SNX8: variants seen among roughly 807,000 people sequenced by gnomAD.
SNX8 encodes the protein sorting nexin 8.
SNX8 carries 25 observed loss-of-function variants against 51.6 expected under a neutral mutation model. That is an observed-to-expected ratio of 0.48 (90% confidence interval 0.35 to 0.68). SNX8 has a LOEUF of 0.68. SNX8 is among the 30% of genes least tolerant of loss of function. The pLI is 0.00. For missense variants in SNX8, 695 were observed against 624.0 expected (o/e 1.11, Z -1.21); for synonymous variants, 324 against 277.0 (o/e 1.17, Z -1.68).
chr7:2,280,612 G>A (rs537604626), intron 1 of SNX8, among the ~76,000 whole-genome samples: 5 of 152,182 alleles, frequency 3.3e-5, no homozygotes, highest in Non-Finnish European at 7.3e-5. Context: ...GTGGTCACAT[G>A]TTGGTGAAGA....
chr7:2,275,481 C>T (rs1025916618), intron 2 of SNX8, among the ~76,000 whole-genome samples: 10 of 151,092 alleles, frequency 6.6e-5, no homozygotes, highest in African/African-American at 2.4e-4. Flanking sequence ...GGGTGAATCA[C>T]CTGAGGTCAG....
intron 5 of SNX8, among the ~76,000 whole-genome samples, chr7:2,267,518 T>G (rs1209230569): frequency 7.7e-6 from 1 of 129,284 alleles, no homozygotes; most frequent in African/African-American, 2.8e-5. Context: ...TTCGCTGTGT[T>G]GGCCGGGCCG....
intron 1 of SNX8, among the ~76,000 whole-genome samples, chr7:2,338,384 C>T (rs975073175): frequency 2.0e-5 from 3 of 151,836 alleles, no homozygotes; most frequent in African/African-American, 7.3e-5. Flanking sequence ...ATGGCATGAA[C>T]CCGGGAGGCA....
rs558904535 is a variant in SNX8 at position 2,314,345 on chromosome 7, G to A, written c.77C>T (p.Ala26Val). 9.3e-5 allele frequency: 114 copies of A among 1,223,592 alleles called. 1 individual carries two copies. The South Asian group carries it at 2.9e-3, about 31-fold the overall frequency. The allele number at this position is 1,223,592 out of a possible 1,614,324, so 75.8% of individuals were successfully genotyped here. A position where few individuals can be genotyped will look rare whatever the true frequency, so the allele number is the denominator to read the frequency against. The part of the protein sequence containing the change: ...AAAEAEADEE[A>V]DPPASDLPTP... ...CGCCCTACCTGACGCCGGGGGATCC[G>A]CCTCCTCGTCAGCCTCCGCCTCAGC... The change falls in exon 1 of 11, where the codon GCG (alanine) becomes GTG (valine). Residue 26 changes from alanine to valine, a missense_variant. By Grantham distance (64) the Ala-to-Val change is moderately conservative. Coordinates refer to ENST00000222990, the MANE Select transcript of SNX8 (RefSeq NM_013321.4).
chr7:2,308,361 A>G (rs2115201600), intron 1 of SNX8, among the ~76,000 whole-genome samples: 1 of 152,208 alleles, frequency 6.6e-6, no homozygotes, highest in East Asian at 1.9e-4. Flanking sequence ...GCTCATCAGG[A>G]GTTTACTACC....
At chr7:2,271,032 C>T (rs1379227833) in intron 4 of SNX8, among the ~76,000 whole-genome samples, 2 of 152,228 alleles carry the variant, frequency 1.3e-5, no homozygotes, top group African/African-American at 4.8e-5. Context: ...GAAACAGGAG[C>T]TGGGCTGCAG....
intron 1 of SNX8, among the ~76,000 whole-genome samples, chr7:2,283,519 T>C (rs1261869690): frequency 2.0e-5 from 3 of 152,212 alleles, no homozygotes; most frequent in African/African-American, 7.2e-5. Flanking sequence ...ACGAGTGTGG[T>C]TCCTACTGTC....
At chr7:2,295,606 A>G (rs1366035991) in intron 1 of SNX8, among the ~76,000 whole-genome samples, 1 of 72,552 alleles carries the variant, frequency 1.4e-5, no homozygotes, top group East Asian at 1.1e-3. Flanking sequence ...AAAAAAAAAA[A>G]AAAAAAAAAA....
At chr7:2,353,631 A>C (rs1779217209) in intron 1 of SNX8, among the ~76,000 whole-genome samples, 1 of 151,918 alleles carries the variant, frequency 6.6e-6, no homozygotes, top group Non-Finnish European at 1.5e-5. Flanking sequence ...CATCAAGTAC[A>C]TTCACCATGT....
chr7:2,257,559 G>A (rs752401585), intron 8 of SNX8, 45 bp from the exon 9 acceptor site: 10 of 1,595,598 alleles, frequency 6.3e-6, no homozygotes, highest in African/African-American at 1.3e-5. Context: ...GGATGCCTGC[G>A]CCAGGGCCCT....
intron 1 of SNX8, among the ~76,000 whole-genome samples, chr7:2,352,421 C>T (rs1583133854): frequency 6.6e-6 from 1 of 152,048 alleles, no homozygotes; most frequent in African/African-American, 2.4e-5. Context: ...GAGAGAGACA[C>T]AGACACACCA....
At chr7:2,274,519 A>C (rs78792969) in intron 3 of SNX8, among the ~76,000 whole-genome samples, 1 of 152,340 alleles carries the variant, frequency 6.6e-6, no homozygotes, top group South Asian at 2.1e-4. Context: ...AGGGGGACAC[A>C]GGCCTGGGGA....
Position 2,311,810 on chromosome 7 carries a change from G to C in SNX8, c.94+2518C>G, listed in dbSNP as rs566012148. Among the ~76,000 whole-genome samples the C allele has an allele frequency of 2.1e-3, 325 of 151,964 alleles. 1 individual carries two copies. The highest frequency in any genetic ancestry group is 7.4e-3 in the African/African-American group (307 of 41,458). On this transcript the variant is annotated intron_variant, in intron 1 of 10. Coordinates refer to ENST00000222990, the MANE Select transcript of SNX8 (RefSeq NM_013321.4). ...AAATTAGCCGGGCGTGGTGGCGGGCGCCTGTAGTCCCAGCTACTCGGGAGG... is the reference window on the plus strand; with the variant it reads ...AAATTAGCCGGGCGTGGTGGCGGGCCCCTGTAGTCCCAGCTACTCGGGAGG...
chr7:2,305,045 G>A lies in SNX8; in HGVS notation c.94+9283C>T, dbSNP rs765444026. ...GACAAGCCTTGCTGTTCCTGCAGAC[G>A]CCGGAGGGTCTGGGTGCTCCTTCCT... On this transcript the variant is annotated intron_variant, in intron 1 of 10. Transcript: ENST00000222990. Among the ~76,000 whole-genome samples the A allele has an allele frequency of 5.9e-5, 9 of 152,182 alleles. 1 individual carries two copies. Among genetic ancestry groups the A allele is most frequent in the South Asian group, 4.1e-4 (2 of 4,826 alleles).
At chr7:2,264,556 A>C (rs2286205) in intron 5 of SNX8, 98 bp from the exon 6 acceptor site, 1,153,863 of 1,223,200 alleles carry the variant, frequency 0.94, 545,661 homozygotes, top group Non-Finnish European at 0.97. Flanking sequence ...CACGGGAGAC[A>C]CAGCAGGTCC....
chr7:2,259,831 A>G (rs1275160609), intron 7 of SNX8, among the ~76,000 whole-genome samples: 1 of 152,102 alleles, frequency 6.6e-6, no homozygotes, highest in East Asian at 1.9e-4. Context: ...TGTTCGTGTC[A>G]TTTGTCACCA....
In SNX8 at chr7:2,256,980, GAGA is replaced by G. The variant is rs754253667; in HGVS notation, c.1175_1177del (p.Phe392del). 6 of 1,613,144 alleles carry G rather than the reference GAGA, an allele frequency of 3.7e-6. No homozygotes were observed. The highest frequency in any genetic ancestry group is 4.2e-6 in the Non-Finnish European group (5 of 1,179,542). The stretch of plus-strand genomic sequence containing the variant: ...CGTCTCCTGGTGCAGGCAGTACAGG[GAGA>G]AGTAGTTCCGCAGCTCCATCGTCTG... On this transcript the variant is annotated inframe_deletion, in exon 10 of 11. Transcript: ENST00000222990.
chr7:2,340,284 C>T (rs984044005), intron 1 of SNX8, among the ~76,000 whole-genome samples: 11 of 150,002 alleles, frequency 7.3e-5, no homozygotes, highest in African/African-American at 2.5e-4. Context: ...GTTGGTCAGG[C>T]TGGTCTCGAA....
chr7:2,306,014 A>G (rs1796536103), intron 1 of SNX8, among the ~76,000 whole-genome samples: 1 of 152,166 alleles, frequency 6.6e-6, no homozygotes, highest in South Asian at 2.1e-4. Context: ...GGGAACTACC[A>G]GCCTAATTGG....
Sources: allele counts gnomAD v4.1 joint callset (sites outside exome capture counted in the v4.1 genomes callset), GRCh38; gene constraint gnomAD v4.1.1; transcripts MANE v1.5; gene names NCBI Gene and HGNC (gene_info 2026-07-23, HGNC 2026-07-21).